The following MAGED1 variants were observed in gnomAD, a reference collection of about 807,000 sequenced individuals.
MAGED1 encodes MAGE family member D1.
A neutral mutation model predicts 54.1 loss-of-function variants in MAGED1; 3 were observed. The ratio of observed to expected loss-of-function variants is 0.06; its 90% CI spans 0.03 to 0.14. The LOEUF (loss-of-function observed/expected upper bound fraction) is 0.14. MAGED1 is among the 10% of genes least tolerant of loss of function. The probability of loss-of-function intolerance (pLI) is 1.00; values close to 1 mark genes in which losing one functional copy is unlikely to be tolerated. For missense variants in MAGED1, 485 were observed against 623.4 expected (o/e 0.78, Z 2.36); for synonymous variants, 217 against 227.3 (o/e 0.95, Z 0.41).
intron 1 of MAGED1, among the ~76,000 whole-genome samples, chrX:51,814,102 C>G (rs1048976966): frequency 9.0e-6 from 1 of 111,048 alleles, no homozygotes; most frequent in Non-Finnish European, 1.9e-5. Context: ...CAGCTGACTG[C>G]CCATTGGGTG....
At chrX:51,896,281 C>G in intron 3 of MAGED1, 128 bp from the exon 4 acceptor site, 1 of 588,163 alleles carries the variant, frequency 1.7e-6, no homozygotes, top group South Asian at 3.0e-5. Flanking sequence ...AAACCCAGGA[C>G]TCAGGGTGAC....
At chrX:51,877,048 T>C (rs1207071027) in intron 1 of MAGED1, among the ~76,000 whole-genome samples, 3 of 110,737 alleles carry the variant, frequency 2.7e-5, no homozygotes, top group Non-Finnish European at 5.7e-5. Flanking sequence ...GGAATATTTG[T>C]TTGGCTTTTC....
rs782086925 is a variant in MAGED1, at chrX:51,844,157, G to A, written c.-37+41040G>A. Among the ~76,000 whole-genome samples, 4 of 111,513 alleles carry A rather than the reference G, an allele frequency of 3.6e-5. No individual in the cohort carries two copies. In the Admixed American group the frequency reaches 3.8e-4, roughly 11 times the overall value. ...GAGCCAGCATGTGACTTCTCCCTCT[G>A]CCCCTTTCCAGGTTCCCAAATTGTT... On this transcript the variant is annotated intron_variant, in intron 1 of 12. Transcript: ENST00000375772.
intron 1 of MAGED1, among the ~76,000 whole-genome samples, chrX:51,845,928 A>G (rs1335230417): frequency 1.8e-5 from 2 of 110,618 alleles, no homozygotes; most frequent in Non-Finnish European, 3.8e-5. Flanking sequence ...GGTGCATACC[A>G]CCACGCCCGG....
At chrX:51,901,288 G>A (rs1929011316) in intron 11 of MAGED1, among the ~76,000 whole-genome samples, 1 of 111,862 alleles carries the variant, frequency 8.9e-6, no homozygotes. Context: ...TGAGTTAGAC[G>A]TTTTTAGATT....
chrX:51,895,801 C>T (rs1557364180), intron 3 of MAGED1, 41 bp downstream of exon 3: 8 of 1,018,761 alleles, frequency 7.9e-6, no homozygotes, highest in African/African-American at 1.9e-5. Context: ...GGGGCTGTCT[C>T]CTTTCTTCTC....
intron 1 of MAGED1, among the ~76,000 whole-genome samples, chrX:51,851,994 A>G (rs905297090): frequency 2.7e-5 from 3 of 111,699 alleles, no homozygotes; most frequent in Non-Finnish European, 5.6e-5. Flanking sequence ...AGTTTAAACC[A>G]CACACTTTTA....
intron 1 of MAGED1, among the ~76,000 whole-genome samples, chrX:51,878,665 C>T: frequency 9.0e-6 from 1 of 111,646 alleles, no homozygotes; most frequent in Non-Finnish European, 1.9e-5. Context: ...GCAGGTAATA[C>T]ATGTATTTTT....
At chrX:51,840,504 T>C (rs1926418252) in intron 1 of MAGED1, among the ~76,000 whole-genome samples, 1 of 109,745 alleles carries the variant, frequency 9.1e-6, no homozygotes, top group African/African-American at 3.3e-5. Flanking sequence ...TACATATGTA[T>C]ACATGTGCCA....
chrX:51,874,078 G>C (rs1350882349), intron 1 of MAGED1, among the ~76,000 whole-genome samples: 1 of 111,360 alleles, frequency 9.0e-6, no homozygotes, highest in Admixed American at 9.5e-5. Context: ...GAAGATTTGC[G>C]AGAGGGAGTA....
intron 1 of MAGED1, among the ~76,000 whole-genome samples, chrX:51,819,002 C>G (rs1557356296): frequency 1.8e-5 from 2 of 111,846 alleles, no homozygotes; most frequent in African/African-American, 6.5e-5. Flanking sequence ...CATTTACTTT[C>G]TTTACAGACT....
intron 1 of MAGED1, among the ~76,000 whole-genome samples, chrX:51,821,623 C>G (rs1274860833): frequency 9.0e-6 from 1 of 111,508 alleles, no homozygotes; most frequent in Admixed American, 9.5e-5. Context: ...CACCTGGACT[C>G]AAGCAACCTG....
chrX:51,842,833 G>A (rs782063651), intron 1 of MAGED1, among the ~76,000 whole-genome samples: 9 of 108,503 alleles, frequency 8.3e-5, no homozygotes, highest in East Asian at 2.9e-4. Flanking sequence ...CCACAGGTGC[G>A]CACCACCATG....
intron 1 of MAGED1, among the ~76,000 whole-genome samples, chrX:51,834,876 A>G (rs1490577000): frequency 8.9e-6 from 1 of 112,052 alleles, no homozygotes; most frequent in African/African-American, 3.2e-5. Context: ...TAAATGTTCT[A>G]AAACCTTTAA....
intron 1 of MAGED1, among the ~76,000 whole-genome samples, chrX:51,814,318 C>T (rs782435319): frequency 9.0e-6 from 1 of 111,616 alleles, no homozygotes; most frequent in Admixed American, 9.5e-5. Context: ...CTGCCACTGC[C>T]GCCACCACCA....
chrX:51,856,097 G>A (rs981431903), intron 1 of MAGED1, among the ~76,000 whole-genome samples: 3 of 111,921 alleles, frequency 2.7e-5, no homozygotes, highest in Non-Finnish European at 5.6e-5. Context: ...ACAATTCTTT[G>A]ACAATAGTTC....
intron 1 of MAGED1, among the ~76,000 whole-genome samples, chrX:51,836,540 G>T (rs1238761541): frequency 1.8e-5 from 2 of 109,170 alleles, no homozygotes. Flanking sequence ...CCTGCCTTGG[G>T]TAGTTGCCTC....
chrX:51,875,308 A>G (rs1927829007), intron 1 of MAGED1, among the ~76,000 whole-genome samples: 2 of 110,597 alleles, frequency 1.8e-5, no homozygotes, highest in Admixed American at 9.7e-5. Context: ...CTTTTTGGGT[A>G]CTCTGCTCTG....
intron 1 of MAGED1, chrX:51,870,880 T>G (rs1313293230): frequency 1.8e-5 from 2 of 112,736 alleles, no homozygotes. Context: ...AGGTATTTCA[T>G]GGATGACAAA....
Sources: gnomAD v4.1 joint callset for allele counts (sites outside exome capture counted in the v4.1 genomes callset) on GRCh38, gnomAD v4.1.1 for gene constraint, MANE v1.5 for transcripts, NCBI Gene and HGNC (gene_info 2026-07-23, HGNC 2026-07-21) for gene names.